LY75: variants seen among roughly 807,000 people sequenced by gnomAD.
The protein encoded by LY75 is C-type lectin domain family 13 member B.
Under a neutral mutation model 231.7 loss-of-function variants are expected in LY75, and 185 were observed. The ratio of observed to expected loss-of-function variants is 0.80; its 90% confidence interval spans 0.71 to 0.90. LY75 has a LOEUF of 0.90. LY75 is among the 40% of genes least tolerant of loss of function. The pLI is 0.00. For missense variants in LY75, 1,947 were observed against 2,050.2 expected, an observed-to-expected ratio of 0.95 and a Z score of 0.97; for synonymous variants, 668 against 689.0, an observed-to-expected ratio of 0.97 and a Z score of 0.48.
rs184972731 is a variant in LY75 at position 159,835,460 on chromosome 2, A to G, written c.3673+20T>C. ...GGACTGTTAATAATTTAAGAATTAA[A>G]AGATCTGAAATTCACATACTTCCTG... On this transcript the variant is annotated intron_variant, in intron 26 of 34. Coordinates refer to ENST00000263636, the MANE Select transcript of LY75 (RefSeq NM_002349.4). 1.0e-4 allele frequency: 159 copies of G among 1,568,952 alleles called. 1 individual carries two copies. The East Asian group carries it at 3.3e-3, about 33-fold the overall frequency.
At chr2:159,904,219 G>A (rs1489701312) in intron 1 of LY75, among the ~76,000 whole-genome samples, 1 of 152,216 alleles carries the variant, frequency 6.6e-6, no homozygotes, top group Non-Finnish European at 1.5e-5. Context: ...GGAGGGACGG[G>A]ACGCAAGAGG....
chr2:159,868,559 C>T (rs777758429), intron 13 of LY75, among the ~76,000 whole-genome samples: 6 of 152,110 alleles, frequency 3.9e-5, no homozygotes, highest in Non-Finnish European at 7.4e-5. Context: ...GAGTGCTCAA[C>T]AAGTGTGATT....
chr2:159,874,671 T>TTGTAAATATA (rs1417910062), intron 12 of LY75, among the ~76,000 whole-genome samples: 1 of 80,648 alleles, frequency 1.2e-5, no homozygotes, highest in African/African-American at 4.9e-5. Flanking sequence ...TATATATATT[T>TTGTAAATATA]TGTAAATATA....
At chr2:159,814,722 A>T in intron 31 of LY75, among the ~76,000 whole-genome samples, 1 of 151,508 alleles carries the variant, frequency 6.6e-6, no homozygotes. Context: ...AAAGAAAAGA[A>T]AAGAAAAGAA....
intron 3 of LY75, among the ~76,000 whole-genome samples, chr2:159,893,561 G>T (rs1479314431): frequency 6.6e-6 from 1 of 152,126 alleles, no homozygotes; most frequent in African/African-American, 2.4e-5. Context: ...TTCTGTTCAT[G>T]CTTCATTCCA....
At chr2:159,845,891 C>T (rs1468883685) in intron 23 of LY75, among the ~76,000 whole-genome samples, 1 of 151,340 alleles carries the variant, frequency 6.6e-6, no homozygotes, top group African/African-American at 2.4e-5. Context: ...TACACATACA[C>T]ATATATATGC....
chr2:159,894,854 G>A (rs1387921516), intron 2 of LY75, among the ~76,000 whole-genome samples: 1 of 152,158 alleles, frequency 6.6e-6, no homozygotes, highest in East Asian at 1.9e-4. Flanking sequence ...AATATGCCTG[G>A]AAATGCTGGA....
intron 14 of LY75, among the ~76,000 whole-genome samples, chr2:159,861,335 G>A (rs1299065988): frequency 6.6e-6 from 1 of 152,014 alleles, no homozygotes; most frequent in Non-Finnish European, 1.5e-5. Context: ...AGTAAATATT[G>A]AATATCTGAG....
intron 13 of LY75, chr2:159,871,984 C>T (rs1043564176): frequency 6.6e-6 from 1 of 152,514 alleles, no homozygotes; most frequent in African/African-American, 2.4e-5. Context: ...TGACTCATTT[C>T]TCCTTGACCA....
chr2:159,823,211 G>C (rs1054307047), intron 28 of LY75, among the ~76,000 whole-genome samples: 1 of 152,162 alleles, frequency 6.6e-6, no homozygotes, highest in Non-Finnish European at 1.5e-5. Flanking sequence ...AAAAAGGTTA[G>C]AGGAACTGCT....
At chr2:159,813,646 C>G (rs1683033075) in intron 31 of LY75, among the ~76,000 whole-genome samples, 1 of 152,086 alleles carries the variant, frequency 6.6e-6, no homozygotes, top group Admixed American at 6.5e-5. Context: ...CTGTATCTCC[C>G]TCTTATAAGG....
rs200173390 is a variant in LY75 at position 159,899,004 on chromosome 2, C to T, written c.150G>A (p.Val50=). ...AGTCGTCTGCTACTATCCAGCCATA[C>T]ACTGGCTTGATGCACTTGCCCGTAT... ...HGNTGKCIKP[V]YGWIVADDCD... The change falls in exon 2 of 35, where the codon GTG becomes GTA. Residue 50 remains valine (V), a synonymous_variant. Coordinates refer to ENST00000263636, the MANE Select transcript of LY75 (RefSeq NM_002349.4). The T allele has an allele frequency of 1.4e-5, 23 of 1,614,116 alleles. No homozygotes were observed. Among genetic ancestry groups the T allele is most frequent in the Non-Finnish European group, 1.9e-5 (23 of 1,180,050 alleles).
chr2:159,848,093 T>TATATATAC, intron 23 of LY75, among the ~76,000 whole-genome samples: 1 of 28,548 alleles, frequency 3.5e-5, no homozygotes, highest in African/African-American at 1.4e-4. Context: ...TATATATATA[T>TATATATAC]ACACACACAC....
intron 1 of LY75, among the ~76,000 whole-genome samples, chr2:159,901,276 AAT>A (rs1686070186): frequency 6.6e-6 from 1 of 152,200 alleles, no homozygotes; most frequent in African/African-American, 2.4e-5. Context: ...CTTCTCCCAC[AAT>A]TCAATAGCTA....
At chr2:159,872,755 G>T in intron 12 of LY75, 162 bp from the exon 13 acceptor site, 2 of 362,362 alleles carry the variant, frequency 5.5e-6, no homozygotes, top group Non-Finnish European at 7.7e-6. Context: ...GACAGGTCCT[G>T]CTGAAAGTGT....
chr2:159,817,529 T>C (rs963064642), intron 29 of LY75, among the ~76,000 whole-genome samples: 2 of 152,068 alleles, frequency 1.3e-5, no homozygotes, highest in Admixed American at 6.6e-5. Flanking sequence ...GTGAAAGAGC[T>C]CCCAAGGGCC....
At chr2:159,865,756 A>C (rs1684838171) in intron 13 of LY75, among the ~76,000 whole-genome samples, 1 of 152,156 alleles carries the variant, frequency 6.6e-6, no homozygotes, top group South Asian at 2.1e-4. Flanking sequence ...ATTTCTTTCT[A>C]GTCATGATCT....
chr2:159,852,192 T>G lies in LY75; in HGVS notation c.2883+9A>C. 1 of 1,612,640 alleles carries G rather than the reference T, an allele frequency of 6.2e-7. No individual in the cohort carries two copies. On this transcript the variant is annotated intron_variant, in intron 21 of 34. Transcript: ENST00000263636. ...TCATTGTTGCATAATGTAGCAATTC[T>G]CTTTTTACCTTATTCTGAAAAGGAA...
chr2:159,894,472 G>A (rs555786529), intron 2 of LY75, among the ~76,000 whole-genome samples: 4 of 152,236 alleles, frequency 2.6e-5, no homozygotes, highest in Admixed American at 6.5e-5. Context: ...CCTGGCTGAG[G>A]TTACATTTAC....
Sources: allele counts gnomAD v4.1 joint callset (sites outside exome capture counted in the v4.1 genomes callset), GRCh38; gene constraint gnomAD v4.1.1; transcripts MANE v1.5; gene names NCBI Gene and HGNC (gene_info 2026-07-23, HGNC 2026-07-21).